The following ZFAND3 variants were observed in gnomAD, a reference collection of about 807,000 sequenced individuals.
The protein encoded by ZFAND3 is zinc finger AN1-type containing 3, also known as AN1-type zinc finger protein 3.
Under a neutral mutation model 29.6 loss-of-function variants are expected in ZFAND3, and 10 were observed. That is an observed-to-expected ratio of 0.34 (90% CI 0.21 to 0.57). The LOEUF is 0.57. ZFAND3 is among the 20% of genes least tolerant of loss of function. ZFAND3 has a pLI of 0.86. For synonymous variants in ZFAND3, 128 were observed against 112.6 expected, an observed-to-expected ratio of 1.14 and a Z score of -0.87; for missense variants, 230 against 304.5, an observed-to-expected ratio of 0.76 and a Z score of 1.82.
At chr6:37,863,537 A>G (rs1348856720) in intron 1 of ZFAND3, among the ~76,000 whole-genome samples, 1 of 152,044 alleles carries the variant, frequency 6.6e-6, no homozygotes, top group Non-Finnish European at 1.5e-5. Flanking sequence ...TGATAATAGA[A>G]CTAGTGATTT....
rs760596239 is a variant in ZFAND3 at position 38,152,410 on chromosome 6, G to A, written c.*21G>A. ...CCTGAAGGCCAGGCATGGCCACCAC[G>A]TGACGCTGTTCTTAGTTCACTAATG... On this transcript the variant is annotated 3_prime_UTR_variant, in exon 6 of 6. Transcript: ENST00000287218. 10 of 1,553,986 alleles carry A rather than the reference G, an allele frequency of 6.4e-6. No individual in the cohort carries two copies. The highest frequency in any genetic ancestry group is 2.7e-5 in the African/African-American group (2 of 72,930).
rs192593672 is a variant in ZFAND3 at position 38,036,439 on chromosome 6, A to G, written c.113-25154A>G. ...GTACATAACCAGACTTGGTTGTATT[A>G]TCTAAAATGTCCAGTTTTCAACAGA... On this transcript the variant is annotated intron_variant, in intron 2 of 5. Transcript: ENST00000287218. Among the ~76,000 whole-genome samples the G allele has an allele frequency of 7.9e-5, 12 of 152,346 alleles. No individual in the cohort carries two copies. The East Asian group carries it at 1.7e-3, about 22-fold the overall frequency.
chr6:37,896,538 C>CTTTCTT (rs1765212019), intron 1 of ZFAND3, among the ~76,000 whole-genome samples: 1 of 122,360 alleles, frequency 8.2e-6, no homozygotes, highest in South Asian at 2.5e-4. Context: ...TTCTTTCTTT[C>CTTTCTT]TTTCTTTCTT....
chr6:37,872,340 G>C (rs1003591584), intron 1 of ZFAND3, among the ~76,000 whole-genome samples: 1 of 152,084 alleles, frequency 6.6e-6, no homozygotes, highest in Admixed American at 6.6e-5. Flanking sequence ...CAGAGTTTAT[G>C]GTTTTTACGT....
chr6:37,874,514 C>CA (rs11447694), intron 1 of ZFAND3, among the ~76,000 whole-genome samples: 41,299 of 79,480 alleles, frequency 0.52, 9,700 homozygotes, highest in African/African-American at 0.56. Context: ...AACTCCGTCT[C>CA]AAAAAAAAAA....
At chr6:37,936,467 G>A (rs1195326996) in intron 2 of ZFAND3, among the ~76,000 whole-genome samples, 1 of 152,216 alleles carries the variant, frequency 6.6e-6, no homozygotes, top group Non-Finnish European at 1.5e-5. Flanking sequence ...ATGTTCCACA[G>A]TGTTCAGAAT....
chr6:37,887,587 G>A (rs937959991), intron 1 of ZFAND3, among the ~76,000 whole-genome samples: 1 of 152,186 alleles, frequency 6.6e-6, no homozygotes, highest in Non-Finnish European at 1.5e-5. Flanking sequence ...GCTGATAAAA[G>A]TATGAAATTG....
chr6:38,087,929 A>G (rs2127472793), intron 4 of ZFAND3, among the ~76,000 whole-genome samples: 1 of 152,340 alleles, frequency 6.6e-6, no homozygotes, highest in Admixed American at 6.5e-5. Context: ...TGTTTCCAGC[A>G]TGAAATGTTT....
At chr6:38,011,439 TC>T (rs1197840275) in intron 2 of ZFAND3, among the ~76,000 whole-genome samples, 6 of 152,198 alleles carry the variant, frequency 3.9e-5, no homozygotes, top group African/African-American at 1.2e-4. Context: ...ACATGAGCGT[TC>T]CAGTTGCTCC....
chr6:37,950,462 C>T (rs559144309), intron 2 of ZFAND3, among the ~76,000 whole-genome samples: 14 of 151,976 alleles, frequency 9.2e-5, no homozygotes, highest in Admixed American at 5.9e-4. Flanking sequence ...ACTGCAACCT[C>T]TGCCCCCTAG....
intron 2 of ZFAND3, among the ~76,000 whole-genome samples, chr6:37,946,359 C>T (rs1761901678): frequency 6.6e-6 from 1 of 152,120 alleles, no homozygotes; most frequent in African/African-American, 2.4e-5. Flanking sequence ...ATGGCTCCAC[C>T]CTTAAGAAGG....
At chr6:38,013,023 C>T (rs1221086873) in intron 2 of ZFAND3, among the ~76,000 whole-genome samples, 1 of 152,004 alleles carries the variant, frequency 6.6e-6, no homozygotes, top group African/African-American at 2.4e-5. Flanking sequence ...CATAATTATA[C>T]TTGAGTGTAT....
At chr6:37,844,097 C>CT (rs935425047) in intron 1 of ZFAND3, among the ~76,000 whole-genome samples, 6 of 151,390 alleles carry the variant, frequency 4.0e-5, no homozygotes, top group Admixed American at 6.6e-5. Flanking sequence ...TTTTTCTTTT[C>CT]TTTTTTTTGT....
intron 2 of ZFAND3, among the ~76,000 whole-genome samples, chr6:37,945,653 G>A (rs1051794153): frequency 2.6e-5 from 4 of 152,176 alleles, no homozygotes; most frequent in Admixed American, 1.3e-4. Context: ...AGGATTATAG[G>A]TGTGAGCCAT....
At chr6:37,837,849 T>C (rs1763998293) in intron 1 of ZFAND3, among the ~76,000 whole-genome samples, 1 of 152,230 alleles carries the variant, frequency 6.6e-6, no homozygotes. Flanking sequence ...GAACAGCGTG[T>C]ATACCAATAT....
At chr6:38,028,342 T>C (rs1281143236) in intron 2 of ZFAND3, among the ~76,000 whole-genome samples, 4 of 152,236 alleles carry the variant, frequency 2.6e-5, no homozygotes, top group Non-Finnish European at 5.9e-5. Context: ...GTAGTAGATA[T>C]ATTATTAAGA....
At chr6:38,092,338 T>C (rs1764890004) in intron 4 of ZFAND3, among the ~76,000 whole-genome samples, 2 of 152,184 alleles carry the variant, frequency 1.3e-5, no homozygotes, top group South Asian at 4.1e-4. Flanking sequence ...AAGTGATAAA[T>C]GTGTATCTTG....
intron 2 of ZFAND3, among the ~76,000 whole-genome samples, chr6:38,033,035 C>T (rs1399967853): frequency 1.3e-5 from 2 of 152,030 alleles, no homozygotes; most frequent in African/African-American, 4.8e-5. Context: ...AAGCTGTATC[C>T]TTTAGGAAGG....
intron 2 of ZFAND3, among the ~76,000 whole-genome samples, chr6:38,038,826 G>T (rs574494180): frequency 6.6e-6 from 1 of 152,214 alleles, no homozygotes; most frequent in Non-Finnish European, 1.5e-5. Context: ...TACCAAAAAG[G>T]AGCTGAATCT....
Sources: allele counts gnomAD v4.1 joint callset (sites outside exome capture counted in the v4.1 genomes callset), GRCh38; gene constraint gnomAD v4.1.1; transcripts MANE v1.5; gene names NCBI Gene and HGNC (gene_info 2026-07-23, HGNC 2026-07-21).